The following ACTR3C variants were observed in gnomAD, a reference collection of about 807,000 sequenced individuals.
ACTR3C encodes the protein actin related protein 3C.
A neutral mutation model predicts 26.3 loss-of-function variants in ACTR3C; 18 were observed. The observed-to-expected ratio is 0.68, with a 90% CI of 0.47 to 1.01. The LOEUF (loss-of-function observed/expected upper bound fraction) is 1.01, where lower values mean the gene tolerates loss of function less well. Ranked by LOEUF, ACTR3C falls within the 50% of genes least tolerant of loss-of-function variation. The pLI is 0.00. For missense variants in ACTR3C, 184 were observed against 250.7 expected (o/e 0.73, Z 1.80); for synonymous variants, 55 against 94.5 (o/e 0.58, Z 2.42).
the ACTR3C span, among the ~76,000 whole-genome samples, chr7:150,103,856 T>C: frequency 6.6e-6 from 1 of 152,030 alleles, no homozygotes; most frequent in Non-Finnish European, 1.5e-5. Flanking sequence ...AAACCCAACC[T>C]CATCTCACCA....
chr7:150,248,000 C>T (rs1832561482), intron 7 of ACTR3C: 1 of 152,320 alleles, frequency 6.6e-6, no homozygotes, highest in South Asian at 2.1e-4. Context: ...ATTACCCCAT[C>T]TCAGGATCTG....
chr7:150,307,629 C>T (rs182897560), intron 1 of ACTR3C, among the ~76,000 whole-genome samples: 1 of 152,336 alleles, frequency 6.6e-6, no homozygotes, highest in Non-Finnish European at 1.5e-5. Context: ...AGTCCGCCTG[C>T]ACCCAGGTGA....
At chr7:149,992,792 A>G in the ACTR3C span, among the ~76,000 whole-genome samples, 4 of 152,220 alleles carry the variant, frequency 2.6e-5, no homozygotes, top group African/African-American at 7.2e-5. Context: ...ATTGTCTCAC[A>G]TGCTCACGAG....
At chr7:150,251,963 A>G (rs1445595128) in intron 6 of ACTR3C, among the ~76,000 whole-genome samples, 4 of 152,220 alleles carry the variant, frequency 2.6e-5, no homozygotes, top group African/African-American at 7.2e-5. Flanking sequence ...TGTGTTTTCC[A>G]TAGAAACCAT....
At chr7:150,075,735 T>G in the ACTR3C span, among the ~76,000 whole-genome samples, 1 of 152,184 alleles carries the variant, frequency 6.6e-6, no homozygotes, top group Non-Finnish European at 1.5e-5. Flanking sequence ...GAGCTCCTGG[T>G]TGACTATTTG....
At chr7:149,995,939 C>A in the ACTR3C span, among the ~76,000 whole-genome samples, 1 of 152,188 alleles carries the variant, frequency 6.6e-6, no homozygotes, top group Non-Finnish European at 1.5e-5. Context: ...TTTTGTTGAT[C>A]AGCAAGTGCA....
chr7:150,228,833 T>C, the ACTR3C span, among the ~76,000 whole-genome samples: 1 of 150,108 alleles, frequency 6.7e-6, no homozygotes, highest in African/African-American at 2.5e-5. Flanking sequence ...CATATAATAA[T>C]ACAAAATTTA....
the ACTR3C span, among the ~76,000 whole-genome samples, chr7:149,936,620 A>G: frequency 9.9e-3 from 1,515 of 152,266 alleles, 22 homozygotes; most frequent in African/African-American, 0.035. Context: ...TTTATCCTTG[A>G]GGACTGTGGC....
At chr7:150,167,769 G>T in the ACTR3C span, among the ~76,000 whole-genome samples, 2 of 150,450 alleles carry the variant, frequency 1.3e-5, no homozygotes, top group East Asian at 1.9e-4. Flanking sequence ...TGTCTGCTTT[G>T]TTCAGTCTGG....
chr7:150,087,201 A>G, the ACTR3C span, among the ~76,000 whole-genome samples: 72,927 of 140,250 alleles, frequency 0.52, 19,507 homozygotes, highest in East Asian at 0.77. Context: ...AAAAAAAAAA[A>G]AAAGAAACTT....
chr7:149,906,652 A>G, the ACTR3C span, among the ~76,000 whole-genome samples: 1 of 144,282 alleles, frequency 6.9e-6, no homozygotes, highest in Non-Finnish European at 1.5e-5. Context: ...GGCTGGTCTC[A>G]AATCCCTGAC....
intron 1 of ACTR3C, among the ~76,000 whole-genome samples, chr7:150,306,656 G>C (rs187739657): frequency 6.6e-6 from 1 of 152,294 alleles, no homozygotes; most frequent in South Asian, 2.1e-4. Flanking sequence ...AGGCCAGCTT[G>C]GACAACACAG....
At chr7:150,092,748 G>A in the ACTR3C span, among the ~76,000 whole-genome samples, 3 of 150,496 alleles carry the variant, frequency 2.0e-5, no homozygotes, top group Non-Finnish European at 4.4e-5. Context: ...TCAGGCCAAC[G>A]GAATATGGGC....
chr7:150,039,777 A>G, the ACTR3C span, among the ~76,000 whole-genome samples: 3 of 104,258 alleles, frequency 2.9e-5, no homozygotes, highest in Non-Finnish European at 4.2e-5. Context: ...CCCCAGAGCC[A>G]GGGGGGGAAG....
the ACTR3C span, among the ~76,000 whole-genome samples, chr7:149,921,046 G>A: frequency 4.6e-5 from 7 of 152,116 alleles, no homozygotes; most frequent in African/African-American, 9.7e-5. Context: ...GTGAGCCACC[G>A]TGCCCGGCCT....
At position 150,273,284 on chromosome 7, in the gene ACTR3C, T is replaced by TGAC. The variant is rs1491528728; in HGVS notation, c.564+11468_564+11469insGTC. On this transcript the variant is annotated intron_variant, in intron 6 of 7. Transcript: ENST00000683684. ...ACTGCTTATAGAGCACAGACCAACC[T>TGAC]TTTTTTTTTTTGAAATAGGGTGTCC... Among the ~76,000 whole-genome samples, 450 of 118,376 alleles carry TGAC rather than the reference T, an allele frequency of 3.8e-3. 26 individuals are homozygous for TGAC. Among genetic ancestry groups the TGAC allele is most frequent in the African/African-American group, 0.014 (276 of 19,934 alleles). 77.7% of individuals were successfully genotyped at this position (118,376 alleles called of 152,430 possible).
chr7:150,246,302 G>A (rs1832460557), downstream of ACTR3C: 1 of 152,184 alleles, frequency 6.6e-6, no homozygotes, highest in Non-Finnish European at 1.5e-5. Context: ...ACAAAACCCT[G>A]TTAAATGATG....
intron 1 of ACTR3C, among the ~76,000 whole-genome samples, chr7:150,318,637 C>T (rs1169245481): frequency 6.6e-6 from 1 of 152,168 alleles, no homozygotes; most frequent in East Asian, 1.9e-4. Flanking sequence ...TGGTGCAGAG[C>T]TGTAGTTCCA....
At chr7:150,180,753 G>T in the ACTR3C span, among the ~76,000 whole-genome samples, 1 of 148,744 alleles carries the variant, frequency 6.7e-6, no homozygotes, top group Non-Finnish European at 1.5e-5. Flanking sequence ...CTCGTGATCC[G>T]CCCGCCTCGG....
Sources: gnomAD v4.1 joint callset for allele counts (sites outside exome capture counted in the v4.1 genomes callset) on GRCh38, gnomAD v4.1.1 for gene constraint, MANE v1.5 for transcripts, NCBI Gene and HGNC (gene_info 2026-07-23, HGNC 2026-07-21) for gene names.